ADGB: variants seen among roughly 807,000 people sequenced by gnomAD.
ADGB encodes calpain-7-like protein.
Under a neutral mutation model 210.5 loss-of-function variants are expected in ADGB, and 172 were observed. The observed-to-expected ratio is 0.82, with a 90% CI of 0.72 to 0.93. The LOEUF is 0.93. Among genes scored for constraint, ADGB ranks in the 40% least tolerant of loss-of-function variants. The probability of loss-of-function intolerance (pLI) is 0.00; values close to 1 mark genes in which losing one functional copy is unlikely to be tolerated. For missense variants in ADGB, 2,025 were observed against 1,964.8 expected, an observed-to-expected ratio of 1.03 and a Z score of -0.58; for synonymous variants, 658 against 662.7, an observed-to-expected ratio of 0.99 and a Z score of 0.11.
intron 13 of ADGB, among the ~76,000 whole-genome samples, chr6:146,714,638 T>G (rs1343981501): frequency 6.6e-6 from 1 of 152,176 alleles, no homozygotes; most frequent in Non-Finnish European, 1.5e-5. Flanking sequence ...GTGCAAATCC[T>G]TCTACAGACA....
intron 10 of ADGB, 76 bp downstream of exon 10, chr6:146,685,904 G>A (rs1281672693): frequency 1.2e-6 from 1 of 814,058 alleles, no homozygotes; most frequent in East Asian, 3.2e-5. Context: ...ATTACTTGCT[G>A]TGGTAGAAGG....
intron 26 of ADGB, among the ~76,000 whole-genome samples, chr6:146,746,443 G>T (rs1777239422): frequency 6.6e-6 from 1 of 152,062 alleles, no homozygotes; most frequent in African/African-American, 2.4e-5. Flanking sequence ...AACCAACTCA[G>T]CCTTCTTTTT....
At chr6:146,672,735 T>TTC (rs1474035630) in intron 8 of ADGB, among the ~76,000 whole-genome samples, 2 of 150,924 alleles carry the variant, frequency 1.3e-5, no homozygotes, top group Non-Finnish European at 3.0e-5. Flanking sequence ...TTCTTTTTTT[T>TTC]TTTTTTCTTT....
rs1020119033 is a variant in ADGB, at chr6:146,784,860, G to A, written c.4212+66G>A. 4 of 1,452,856 alleles carry A rather than the reference G, an allele frequency of 2.8e-6. No homozygotes were observed. In the African/African-American group the frequency reaches 5.7e-5, roughly 21 times the overall value. The allele number at this position is 1,452,856 out of a possible 1,614,324, so 90.0% of individuals were successfully genotyped here. A position where few individuals can be genotyped will look rare whatever the true frequency, so the allele number is the denominator to read the frequency against. Reference sequence around the variant, plus strand: ...CCTTAGGCATGCTCTGAAAAAAATAGTCATGCTGGTAAAAACCATATAGCC... The same window carrying A: ...CCTTAGGCATGCTCTGAAAAAAATAATCATGCTGGTAAAAACCATATAGCC... On this transcript the variant is annotated intron_variant, in intron 31 of 35. Coordinates refer to ENST00000397944, the MANE Select transcript of ADGB (RefSeq NM_024694.4).
intron 10 of ADGB, among the ~76,000 whole-genome samples, chr6:146,690,072 T>C (rs1417717807): frequency 1.3e-5 from 2 of 152,186 alleles, no homozygotes; most frequent in African/African-American, 2.4e-5. Flanking sequence ...ACTAGTGCAC[T>C]GATTAACTCC....
intron 2 of ADGB, among the ~76,000 whole-genome samples, chr6:146,637,027 T>G (rs1163043835): frequency 6.6e-6 from 1 of 151,856 alleles, no homozygotes; most frequent in East Asian, 1.9e-4. Context: ...TGAATCAAAT[T>G]GTGAATATAT....
intron 35 of ADGB, among the ~76,000 whole-genome samples, chr6:146,806,603 G>T (rs1378907552): frequency 1.3e-5 from 2 of 152,208 alleles, no homozygotes; most frequent in African/African-American, 2.4e-5. Flanking sequence ...CATGGAAAAT[G>T]TCTTGATAAA....
intron 27 of ADGB, among the ~76,000 whole-genome samples, chr6:146,753,748 A>G (rs573670978): frequency 1.3e-5 from 2 of 152,042 alleles, no homozygotes; most frequent in South Asian, 2.1e-4. Context: ...TCTTAGAATG[A>G]AACCTATTTG....
intron 13 of ADGB, among the ~76,000 whole-genome samples, chr6:146,709,895 C>A (rs1776635338): frequency 6.6e-6 from 1 of 152,058 alleles, no homozygotes; most frequent in South Asian, 2.1e-4. Flanking sequence ...CACCAAGTTT[C>A]TTTAGCTCTT....
At chr6:146,790,747 T>C (rs1190008233) in intron 33 of ADGB, among the ~76,000 whole-genome samples, 1 of 152,166 alleles carries the variant, frequency 6.6e-6, no homozygotes, top group Non-Finnish European at 1.5e-5. Flanking sequence ...CTACTTTTAG[T>C]TTCTTGAATA....
chr6:146,814,357 C>T (rs557867018), intron 35 of ADGB, among the ~76,000 whole-genome samples: 9 of 152,038 alleles, frequency 5.9e-5, no homozygotes, highest in East Asian at 1.9e-4. Context: ...TTTTAAGAGA[C>T]GAAGGAGAAA....
chr6:146,679,840 T>C (rs1319157493), intron 9 of ADGB, among the ~76,000 whole-genome samples: 4 of 152,194 alleles, frequency 2.6e-5, no homozygotes, highest in Admixed American at 2.6e-4. Flanking sequence ...TCTATAAGAA[T>C]GAATAAATCA....
At chr6:146,809,206 GTTTTT>G (rs1778261662) in intron 35 of ADGB, among the ~76,000 whole-genome samples, 2 of 152,142 alleles carry the variant, frequency 1.3e-5, no homozygotes, top group African/African-American at 4.8e-5. Context: ...CCCTGCCTCA[GTTTTT>G]GTCCCAACAC....
chr6:146,724,225 T>TCC lies in ADGB; in HGVS notation c.2136_2137insCC (p.Thr713ProfsTer11). 2.6e-6 allele frequency: 4 copies of TCC among 1,551,192 alleles called. No individual in the cohort carries two copies. The highest frequency in any genetic ancestry group is 3.5e-6 in the Non-Finnish European group (4 of 1,146,750). ...AGTCCTCCCATAGAGCCTGGACTTCTCACAGCTGAAACGTTTTCTTGGAAA... is the reference window on the plus strand; with the variant it reads ...AGTCCTCCCATAGAGCCTGGACTTCTCCCACAGCTGAAACGTTTTCTTGGAAA... On this transcript the variant is annotated frameshift_variant, in exon 18 of 36. Transcript: ENST00000397944. LOFTEE classifies it high-confidence loss of function.
chr6:146,712,888 A>G (rs1330423983), intron 13 of ADGB, among the ~76,000 whole-genome samples: 2 of 152,152 alleles, frequency 1.3e-5, no homozygotes, highest in African/African-American at 4.8e-5. Flanking sequence ...AAAACTCTAT[A>G]TGCATTTAAA....
chr6:146,715,945 G>A (rs927703693), intron 14 of ADGB, among the ~76,000 whole-genome samples: 2 of 151,140 alleles, frequency 1.3e-5, no homozygotes, highest in Non-Finnish European at 2.9e-5. Context: ...GTGTGTGCCT[G>A]TAATCCCAGC....
intron 13 of ADGB, among the ~76,000 whole-genome samples, chr6:146,713,455 C>T (rs980185413): frequency 6.6e-6 from 1 of 152,108 alleles, no homozygotes; most frequent in Non-Finnish European, 1.5e-5. Context: ...GAAATGGTGT[C>T]TCATTGTAAT....
At chr6:146,811,086 C>T (rs79031895) in intron 35 of ADGB, among the ~76,000 whole-genome samples, 4,646 of 152,220 alleles carry the variant, frequency 0.031, 242 homozygotes, top group African/African-American at 0.11. Flanking sequence ...TTAATAAATG[C>T]AAATGTGCAT....
In ADGB at chr6:146,793,651, G is replaced by A. The variant is rs150617760; in HGVS notation, c.4537+5041G>A. Among the ~76,000 whole-genome samples the A allele has an allele frequency of 4.4e-3, 672 of 152,288 alleles. 3 individuals carry two copies. Among genetic ancestry groups the A allele is most frequent in the African/African-American group, 0.015 (619 of 41,546 alleles). The stretch of plus-strand genomic sequence containing the variant: ...GGTTAAAAATACAGGGCCCGAAGGC[G>A]AGTAATAGCAAGATGGCTGTTATGG... On this transcript the variant is annotated intron_variant, in intron 33 of 35. Transcript: ENST00000397944.
Sources: gnomAD v4.1 joint callset for allele counts (sites outside exome capture counted in the v4.1 genomes callset) on GRCh38, gnomAD v4.1.1 for gene constraint, MANE v1.5 for transcripts, NCBI Gene and HGNC (gene_info 2026-07-23, HGNC 2026-07-21) for gene names.